The following ZMYND11 variants were observed in gnomAD, a reference collection of about 807,000 sequenced individuals.
The protein encoded by ZMYND11 is zinc finger MYND domain-containing protein 11.
ZMYND11 carries 9 observed loss-of-function variants against 84.9 expected under a neutral mutation model. The ratio of observed to expected loss-of-function variants is 0.11; its 90% confidence interval spans 0.06 to 0.18. The LOEUF (loss-of-function observed/expected upper bound fraction) is 0.18, where lower values mean the gene tolerates loss of function less well. Among genes scored for constraint, ZMYND11 ranks in the 10% least tolerant of loss-of-function variants. The pLI is 1.00. For missense variants in ZMYND11, 409 were observed against 761.0 expected, an observed-to-expected ratio of 0.54 and a Z score of 5.44; for synonymous variants, 250 against 244.1, an observed-to-expected ratio of 1.02 and a Z score of -0.23.
At chr10:227,950 T>A (rs796135535) in intron 4 of ZMYND11, among the ~76,000 whole-genome samples, 5 of 152,324 alleles carry the variant, frequency 3.3e-5, no homozygotes, top group African/African-American at 1.2e-4. Flanking sequence ...AAACAACTAA[T>A]GAACATTAAT....
rs1488925289 is a variant in ZMYND11 at position 202,152 on chromosome 10, G to C, written c.117-7737G>C. Among the ~76,000 whole-genome samples, 3 of 152,170 alleles carry C rather than the reference G, an allele frequency of 2.0e-5. No individual in the cohort carries two copies. The East Asian group carries it at 5.8e-4, about 29-fold the overall frequency. On this transcript the variant is annotated intron_variant, in intron 2 of 14. Transcript: ENST00000381604. ...GAGGTATTGTGTAAATCAGCCTTCA[G>C]AGTTTATTATTAATTCCAGAAAATC... is the stretch of plus-strand genomic sequence containing the variant.
chr10:158,328 A>G (rs1290825353), intron 1 of ZMYND11, among the ~76,000 whole-genome samples: 6 of 151,732 alleles, frequency 4.0e-5, no homozygotes, highest in African/African-American at 1.2e-4. Flanking sequence ...GCACCATTTT[A>G]CATTACCACC....
intron 1 of ZMYND11, among the ~76,000 whole-genome samples, chr10:158,227 C>T (rs985814459): frequency 6.6e-6 from 1 of 151,926 alleles, no homozygotes; most frequent in Non-Finnish European, 1.5e-5. Flanking sequence ...TCAGTTCTTT[C>T]GTGTATATAT....
intron 10 of ZMYND11, among the ~76,000 whole-genome samples, chr10:242,983 T>C (rs1951343880): frequency 8.0e-6 from 1 of 124,574 alleles, no homozygotes; most frequent in African/African-American, 2.9e-5. Context: ...ACAAAATGAA[T>C]GTTTTAATTA....
chr10:187,059 C>A lies in ZMYND11; in HGVS notation c.116+6931C>A, dbSNP rs190601317. ...CCTGAGCAACATATTGAGACCCTAT[C>A]TCTACAAAAAATCTGAAAAATTAGC... On this transcript the variant is annotated intron_variant, in intron 2 of 14. Coordinates refer to ENST00000381604, the MANE Select transcript of ZMYND11 (RefSeq NM_001370100.5). 3.0e-3 allele frequency among the ~76,000 whole-genome samples: 460 copies of A among 152,084 alleles called. No homozygotes were observed. The Middle Eastern group carries it at 0.031, about 10-fold the overall frequency.
chr10:165,265 G>T (rs925090595), intron 1 of ZMYND11, among the ~76,000 whole-genome samples: 1 of 152,050 alleles, frequency 6.6e-6, no homozygotes, highest in Admixed American at 6.6e-5. Context: ...GCAATATTCT[G>T]TACTTTCTGA....
intron 2 of ZMYND11, among the ~76,000 whole-genome samples, chr10:196,733 A>T (rs1415597008): frequency 2.0e-5 from 3 of 152,226 alleles, no homozygotes. Flanking sequence ...ATTCAATTTT[A>T]ATATAAAAAT....
chr10:200,304 TATATAATATATAAC>T lies in ZMYND11; in HGVS notation c.117-9575_117-9562del, dbSNP rs1345542826. On this transcript the variant is annotated intron_variant, in intron 2 of 14. Transcript: ENST00000381604. ...TATAATATGTATAAAATGTATATTA[TATATAATATATAAC>T]ATATAATATGTATTATATATAACAT... 3.2e-4 allele frequency among the ~76,000 whole-genome samples: 3 copies of T among 9,282 alleles called. No individual in the cohort carries two copies. The Non-Finnish European group carries it at 7.0e-3, about 22-fold the overall frequency. 6.1% of individuals were successfully genotyped at this position (9,282 alleles called of 152,430 possible). A position where few individuals can be genotyped will look rare whatever the true frequency, so the allele number is the denominator to read the frequency against.
chr10:136,118 C>G (rs1361299852), intron 1 of ZMYND11, among the ~76,000 whole-genome samples: 2 of 152,114 alleles, frequency 1.3e-5, no homozygotes, highest in African/African-American at 4.8e-5. Context: ...GTGAGCGACC[C>G]CGGCAGCGAG....
intron 3 of ZMYND11, among the ~76,000 whole-genome samples, chr10:211,162 T>G (rs578176149): frequency 1.5e-4 from 23 of 151,816 alleles, no homozygotes; most frequent in Middle Eastern, 3.4e-3. Context: ...GCTGCTGTAC[T>G]GTAGCCTGGG....
intron 1 of ZMYND11, among the ~76,000 whole-genome samples, chr10:168,869 G>C (rs182158943): frequency 6.6e-6 from 1 of 152,068 alleles, no homozygotes; most frequent in African/African-American, 2.4e-5. Flanking sequence ...TTGATGAATC[G>C]CTAGATGCCC....
intron 2 of ZMYND11, among the ~76,000 whole-genome samples, chr10:189,182 G>T (rs778877853): frequency 6.6e-6 from 1 of 152,194 alleles, no homozygotes; most frequent in Non-Finnish European, 1.5e-5. Context: ...TTCTCCTGGA[G>T]TTCTTCCTGT....
chr10:148,271 C>T (rs9419488), intron 1 of ZMYND11: 68,153 of 119,850 alleles, frequency 0.57, 16,755 homozygotes, highest in East Asian at 0.7. Context: ...GGAAGAAGTC[C>T]TAACTTCCTT....
At chr10:144,616 A>G (rs1838278432) in intron 1 of ZMYND11, among the ~76,000 whole-genome samples, 3 of 133,694 alleles carry the variant, frequency 2.2e-5, no homozygotes, top group Non-Finnish European at 4.7e-5. Context: ...GTTCTCAGTT[A>G]TGGCTGGCTG....
In ZMYND11 at chr10:252,961, G is replaced by C. The variant is rs1321160625; in HGVS notation, c.*491G>C. The C allele has an allele frequency of 1.3e-5, 2 of 153,958 alleles. No individual in the cohort carries two copies. The highest frequency in any genetic ancestry group is 6.5e-5 in the Admixed American group (1 of 15,404). 9.5% of individuals were successfully genotyped at this position (153,958 alleles called of 1,614,324 possible). A position where few individuals can be genotyped will look rare whatever the true frequency, so the allele number is the denominator to read the frequency against. On this transcript the variant is annotated 3_prime_UTR_variant, in exon 15 of 15. Transcript: ENST00000381604. This position sits in a 1 kb window ranked among gnomAD's most constrained non-coding sequence, Gnocchi z 4.6. ...TACTGTTCAAAGGCATTATCTGTTG[G>C]TCACACCAGTGGGTATATGATTGAA...
At chr10:203,819 C>G (rs1011977935) in intron 2 of ZMYND11, among the ~76,000 whole-genome samples, 1 of 152,178 alleles carries the variant, frequency 6.6e-6, no homozygotes, top group East Asian at 1.9e-4. Context: ...GAATCAAGCT[C>G]TAGAACTCTT....
chr10:248,210 T>G lies in ZMYND11; in HGVS notation c.1228-126T>G, dbSNP rs1241638118. ...GTGACATCTACCACCCTAACTACAT[T>G]TTTCAACAGCAGTTTATTCTATGGC... On this transcript the variant is annotated intron_variant, in intron 12 of 14. Coordinates refer to ENST00000381604, the MANE Select transcript of ZMYND11 (RefSeq NM_001370100.5). The G allele has an allele frequency of 3.9e-6, 5 of 1,272,856 alleles. No individual in the cohort carries two copies. In the African/African-American group the frequency reaches 7.5e-5, roughly 19 times the overall value. 78.8% of individuals were successfully genotyped at this position (1,272,856 alleles called of 1,614,324 possible). A position where few individuals can be genotyped will look rare whatever the true frequency, so the allele number is the denominator to read the frequency against.
At chr10:158,991 G>GTTTTT (rs71374342) in intron 1 of ZMYND11, among the ~76,000 whole-genome samples, 1 of 58,574 alleles carries the variant, frequency 1.7e-5, no homozygotes, top group African/African-American at 5.6e-5. Flanking sequence ...TTTGTTTTTT[G>GTTTTT]TTTTTTTTTT....
chr10:158,497 C>T (rs1554760218), intron 1 of ZMYND11, among the ~76,000 whole-genome samples: 2 of 150,502 alleles, frequency 1.3e-5, no homozygotes, highest in Non-Finnish European at 3.0e-5. Context: ...TGGCTCACTG[C>T]AGCCTTTGCT....
Sources: allele counts gnomAD v4.1 joint callset (sites outside exome capture counted in the v4.1 genomes callset), GRCh38; gene constraint gnomAD v4.1.1; non-coding constraint Gnocchi (gnomAD v3.1); transcripts MANE v1.5; gene names NCBI Gene and HGNC (gene_info 2026-07-23, HGNC 2026-07-21).